WASHC2A: variants seen among roughly 807,000 people sequenced by gnomAD.
WASHC2A encodes the protein WASH complex subunit FAM21A.
A neutral mutation model predicts 140.3 loss-of-function variants in WASHC2A; 82 were observed. The observed-to-expected ratio is 0.58, with a 90% CI of 0.49 to 0.70. The LOEUF (loss-of-function observed/expected upper bound fraction) is 0.70. WASHC2A is among the 30% of genes least tolerant of loss of function. The probability of loss-of-function intolerance (pLI) is 0.00; values close to 1 mark genes in which losing one functional copy is unlikely to be tolerated. For missense variants in WASHC2A, 985 were observed against 1,521.8 expected (o/e 0.65, Z 5.87); for synonymous variants, 340 against 560.8 (o/e 0.61, Z 5.56).
rs1554875487 is a variant in WASHC2A, at chr10:50,069,598, G to A, written c.178G>A (p.Glu60Lys). Reference sequence around the variant, plus strand: ...ACAGCAAACTATCTCTAGGACCCATGAAATCAAGAAACAAGTGGACGGACT... The same window carrying A: ...ACAGCAAACTATCTCTAGGACCCATAAAATCAAGAAACAAGTGGACGGACT... Reference protein sequence around the residue: ...FSQQTISRTHEIKKQVDGLIR... With the variant: ...FSQQTISRTHKIKKQVDGLIR... Residue 60 changes from glutamate (E) to lysine (K), a missense_variant, in exon 3 of 31, where the codon GAA (glutamate) becomes AAA (lysine). Glu to Lys is a moderately conservative substitution (Grantham distance 56). Transcript: ENST00000282633. 2 of 1,613,944 alleles carry A rather than the reference G, an allele frequency of 1.2e-6. No homozygotes were observed. The highest frequency in any genetic ancestry group is 8.5e-7 in the Non-Finnish European group (1 of 1,179,860).
chr10:50,111,542 A>G (rs1284369344), intron 20 of WASHC2A, among the ~76,000 whole-genome samples: 5 of 152,184 alleles, frequency 3.3e-5, no homozygotes, highest in Non-Finnish European at 7.3e-5. Flanking sequence ...TGTTGGGATG[A>G]TGAGGTGGAA....
rs1300781994 is a variant in WASHC2A at position 50,125,515 on chromosome 10, C to T, written c.2688+66C>T. On this transcript the variant is annotated intron_variant, in intron 25 of 30. Coordinates refer to ENST00000282633, the MANE Select transcript of WASHC2A (RefSeq NM_001005751.3). ...GATTCTGGGAAAGGAAACTAACGTC[C>T]AGTTAGATCATTAAGGAAAATCCTA... 3 of 1,611,164 alleles carry T rather than the reference C, an allele frequency of 1.9e-6. No individual in the cohort carries two copies. In the South Asian group the frequency reaches 3.3e-5, roughly 18 times the overall value.
chr10:50,125,832 T>C (rs1843378367), intron 25 of WASHC2A, among the ~76,000 whole-genome samples: 1 of 152,080 alleles, frequency 6.6e-6, no homozygotes, highest in Admixed American at 6.5e-5. Flanking sequence ...CCAGCCCCAG[T>C]AGGTTTTTGT....
chr10:50,110,032 A>C lies in WASHC2A; in HGVS notation c.1870-69A>C, dbSNP rs1472896885. ...TGATTCACCCGCCTCGGCCTCCCAA[A>C]GTGCTGGGATTATAGGTATGAGCCA... On this transcript the variant is annotated intron_variant, in intron 19 of 30. Coordinates refer to ENST00000282633, the MANE Select transcript of WASHC2A (RefSeq NM_001005751.3). The C allele has an allele frequency of 7.8e-5, 110 of 1,411,842 alleles. 1 individual carries two copies. Among genetic ancestry groups the C allele is most frequent in the Non-Finnish European group, 9.8e-5 (101 of 1,026,412 alleles). The allele number at this position is 1,411,842 out of a possible 1,614,324, so 87.5% of individuals were successfully genotyped here.
Position 50,127,759 on chromosome 10 carries a change from T to G in WASHC2A, c.3051T>G (p.Leu1017=). 21 of 1,545,864 alleles carry G rather than the reference T, an allele frequency of 1.4e-5. No individual in the cohort carries two copies. Among genetic ancestry groups the G allele is most frequent in the Non-Finnish European group, 1.8e-5 (21 of 1,139,590 alleles). ...GSGEAGVSFD[L]PAQADTLHSA... ...GGGAGGCCGGTGTGAGTTTTGATCTTCCAGCTCAGGCAGACACCTTACACA... is the reference window on the plus strand; with the variant it reads ...GGGAGGCCGGTGTGAGTTTTGATCTGCCAGCTCAGGCAGACACCTTACACA... Residue 1017 remains leucine (L), a synonymous_variant, in exon 28 of 31, where the codon CTT becomes CTG. Transcript: ENST00000282633.
chr10:50,107,735 A>G (rs1841929716), intron 19 of WASHC2A, among the ~76,000 whole-genome samples: 3 of 150,058 alleles, frequency 2.0e-5, no homozygotes, highest in African/African-American at 4.9e-5. Flanking sequence ...CAGCCTAACC[A>G]ACATGGAGAA....
chr10:50,068,194 C>T lies in WASHC2A; in HGVS notation c.93C>T (p.Ser31=), dbSNP rs1554874839. The change falls in exon 2 of 31, where the codon AGC becomes AGT. Residue 31 remains serine, a synonymous_variant. Coordinates refer to ENST00000282633, the MANE Select transcript of WASHC2A (RefSeq NM_001005751.3). ...GGTCGGTGGAGGAGATCCGCAGGAG[C>T]AGCCAGAGCTGGTCGCTGGCGGCCG... ...RPWSVEEIRR[S]SQSWSLAADA... 1.3e-6 allele frequency: 2 copies of T among 1,595,312 alleles called. No homozygotes were observed. Among genetic ancestry groups the T allele is most frequent in the Non-Finnish European group, 1.7e-6 (2 of 1,171,376 alleles).
At position 50,095,648 on chromosome 10, in the gene WASHC2A, A is replaced by G. The variant is rs1273688830; in HGVS notation, c.1290A>G (p.Pro430=). The G allele has an allele frequency of 0.027, 43,877 of 1,611,688 alleles. 695 individuals carry two copies. The highest frequency in any genetic ancestry group is 0.063 in the African/African-American group (4,689 of 74,808). The change falls in exon 15 of 31, where the codon CCA becomes CCG. Residue 430 remains proline (P), a synonymous_variant. Coordinates refer to ENST00000282633, the MANE Select transcript of WASHC2A (RefSeq NM_001005751.3). ...GAASVPSMKE[P]QKPEQPTPRK... The stretch of plus-strand genomic sequence containing the variant: ...CCTCCGTTCCATCAATGAAGGAGCC[A>G]CAGAAGCCTGAGCAGCCCACTCCAA...
In WASHC2A at chr10:50,095,703, G is replaced by C; in HGVS notation, c.1345G>C (p.Gly449Arg). 6.2e-7 allele frequency: 1 copy of C among 1,611,476 alleles called. No individual in the cohort carries two copies. The highest frequency in any genetic ancestry group is 8.5e-7 in the Non-Finnish European group (1 of 1,179,768). The change falls in exon 15 of 31, where the codon GGC becomes CGC. Residue 449 changes from glycine (G) to arginine (R), a missense_variant. By Grantham distance (125) the Gly-to-Arg change is moderately radical. Coordinates refer to ENST00000282633, the MANE Select transcript of WASHC2A (RefSeq NM_001005751.3). ...RKSPYGPPPT[G>R]LFDDDDGDDD... ...AAGCCCCTATGGTCCCCCTCCCACT[G>C]GCCTCTTTGATGATGATGATGGTGA...
intron 21 of WASHC2A, among the ~76,000 whole-genome samples, chr10:50,115,509 A>G (rs1408525434): frequency 1.5e-5 from 2 of 132,846 alleles, no homozygotes; most frequent in East Asian, 2.0e-4. Flanking sequence ...GTGCTCGGTG[A>G]CATTGAATAT....
intron 23 of WASHC2A, among the ~76,000 whole-genome samples, chr10:50,123,168 A>G (rs1554893870): frequency 8.1e-6 from 1 of 124,042 alleles, no homozygotes; most frequent in Non-Finnish European, 1.7e-5. Context: ...GGAACAGTAC[A>G]ACCACTTTGG....
At chr10:50,102,703 C>G (rs1311548866) in intron 17 of WASHC2A, among the ~76,000 whole-genome samples, 2 of 147,416 alleles carry the variant, frequency 1.4e-5, no homozygotes, top group African/African-American at 2.5e-5. Context: ...TTAGAAATAT[C>G]TTCTTGTCCT....
intron 4 of WASHC2A, among the ~76,000 whole-genome samples, chr10:50,080,086 AT>A (rs1488380480): frequency 4.6e-5 from 7 of 152,132 alleles, no homozygotes; most frequent in Non-Finnish European, 8.8e-5. Flanking sequence ...ATTTCTCACA[AT>A]GGCACACTTG....
At chr10:50,109,230 A>T (rs1310858409) in intron 19 of WASHC2A, among the ~76,000 whole-genome samples, 46 of 152,264 alleles carry the variant, frequency 3.0e-4, no homozygotes, top group African/African-American at 1.1e-3. Flanking sequence ...AGTGCTTGGG[A>T]GTTCTTTGAT....
intron 11 of WASHC2A, among the ~76,000 whole-genome samples, 182 bp downstream of exon 11, chr10:50,092,415 T>C (rs1589195416): frequency 6.6e-6 from 1 of 152,202 alleles, no homozygotes; most frequent in Non-Finnish European, 1.5e-5. Context: ...CCCAGCGCTT[T>C]GGGAGGCCGA....
At position 50,093,113 on chromosome 10, in the gene WASHC2A, T is replaced by G. The variant is rs1385997180; in HGVS notation, c.1004-155T>G. Among the ~76,000 whole-genome samples, 130 of 104,832 alleles carry G rather than the reference T, an allele frequency of 1.2e-3. 1 individual carries two copies. The highest frequency in any genetic ancestry group is 3.2e-3 in the South Asian group (8 of 2,492). 68.8% of individuals were successfully genotyped at this position (104,832 alleles called of 152,430 possible). On this transcript the variant is annotated intron_variant, in intron 11 of 30. Coordinates refer to ENST00000282633, the MANE Select transcript of WASHC2A (RefSeq NM_001005751.3). ...GGGTGTCAGTGGACTGTGCCAGGGG[T>G]TTAGTGTGAAATTCATCAGACTGCC...
chr10:50,089,705 G>T (rs1185473783), intron 8 of WASHC2A, among the ~76,000 whole-genome samples: 3 of 152,288 alleles, frequency 2.0e-5, no homozygotes, highest in Admixed American at 2.0e-4. Context: ...GACCTACCTT[G>T]GATGGCTCTC....
chr10:50,091,220 TAAAG>T lies in WASHC2A; in HGVS notation c.844-210_844-207del, dbSNP rs1381471296. On this transcript the variant is annotated intron_variant, in intron 9 of 30. Transcript: ENST00000282633. ...TCAAGTATTAAAAAGAATAAGGAAA[TAAAG>T]GGCATCTCCCTTTGAAGGAACATTT... is the stretch of plus-strand genomic sequence containing the variant. Among the ~76,000 whole-genome samples the T allele has an allele frequency of 2.0e-5, 3 of 151,566 alleles. No homozygotes were observed. The East Asian group carries it at 5.8e-4, about 29-fold the overall frequency.
At chr10:50,110,585 G>T (rs1444263057) in intron 20 of WASHC2A, among the ~76,000 whole-genome samples, 164 of 151,640 alleles carry the variant, frequency 1.1e-3, no homozygotes, top group African/African-American at 3.8e-3. Context: ...GTCAGGTTTG[G>T]TCAGGATTAC....
Sources: allele counts gnomAD v4.1 joint callset (sites outside exome capture counted in the v4.1 genomes callset), GRCh38; gene constraint gnomAD v4.1.1; transcripts MANE v1.5; gene names NCBI Gene and HGNC (gene_info 2026-07-23, HGNC 2026-07-21).